Variants in UBN2 observed in about 807,000 individuals in gnomAD.
The protein encoded by UBN2 is ubinuclein 2.
A neutral mutation model predicts 120.2 loss-of-function variants in UBN2; 35 were observed. The observed-to-expected ratio is 0.29, with a 90% CI of 0.22 to 0.39. The LOEUF (loss-of-function observed/expected upper bound fraction) is 0.39. Among genes scored for constraint, UBN2 ranks in the 10% least tolerant of loss-of-function variants. The pLI is 1.00. For synonymous variants in UBN2, 661 were observed against 648.7 expected, an observed-to-expected ratio of 1.02 and a Z score of -0.29; for missense variants, 1,693 against 1,663.2, an observed-to-expected ratio of 1.02 and a Z score of -0.31.
At position 139,293,207 on chromosome 7, in the gene UBN2, A is replaced by G. The variant is rs780949127; in HGVS notation, c.3670-25A>G. ...ATTTGGGTTGCTTTATTTCTTATGT[A>G]TTTTGACCCCTGGTTTCTGCACAGT... is the stretch of plus-strand genomic sequence containing the variant. On this transcript the variant is annotated intron_variant, in intron 15 of 17. Coordinates refer to ENST00000473989, the MANE Select transcript of UBN2 (RefSeq NM_173569.4). 3 of 1,596,478 alleles carry G rather than the reference A, an allele frequency of 1.9e-6. No individual in the cohort carries two copies. In the South Asian group the frequency reaches 3.3e-5, roughly 18 times the overall value.
intron 3 of UBN2, among the ~76,000 whole-genome samples, chr7:139,255,535 A>G (rs1796738412): frequency 1.3e-5 from 2 of 152,346 alleles, no homozygotes; most frequent in South Asian, 4.1e-4. Context: ...TTTCTGAACA[A>G]GGTAGGTTCC....
chr7:139,263,863 C>T (rs1181249931), intron 6 of UBN2, among the ~76,000 whole-genome samples: 1 of 151,738 alleles, frequency 6.6e-6, no homozygotes, highest in African/African-American at 2.4e-5. Context: ...TGTGTGACTA[C>T]TGGATAACTA....
At chr7:139,316,811 T>C in the UBN2 span, among the ~76,000 whole-genome samples, 1 of 152,234 alleles carries the variant, frequency 6.6e-6, no homozygotes, top group Middle Eastern at 3.4e-3. Context: ...CTTTTTTGTC[T>C]CCAATTTTTC....
chr7:139,264,756 A>AT (rs1411655238), intron 6 of UBN2, among the ~76,000 whole-genome samples: 3 of 152,000 alleles, frequency 2.0e-5, no homozygotes, highest in African/African-American at 7.3e-5. Context: ...CACCCAGCTA[A>AT]TTTTTGTATT....
At chr7:139,295,648 G>C (rs1798089708) in intron 17 of UBN2, among the ~76,000 whole-genome samples, 1 of 152,226 alleles carries the variant, frequency 6.6e-6, no homozygotes, top group African/African-American at 2.4e-5. Context: ...AACCAGGCAT[G>C]GTAGCTCATG....
At chr7:139,240,992 G>A (rs1433749546) in intron 2 of UBN2, among the ~76,000 whole-genome samples, 1 of 152,198 alleles carries the variant, frequency 6.6e-6, no homozygotes, top group African/African-American at 2.4e-5. Flanking sequence ...ACAGGTAAAA[G>A]AGGCTCCCAT....
intron 2 of UBN2, among the ~76,000 whole-genome samples, chr7:139,240,455 T>TATATATA (rs367875599): frequency 0.016 from 1,028 of 62,996 alleles, 4 homozygotes; most frequent in African/African-American, 0.023. Context: ...TATATATATA[T>TATATATA]TTTTTTTTTT....
Position 139,306,266 on chromosome 7 carries a change from G to C in UBN2, c.*8430G>C, listed in dbSNP as rs1258324388. ...GTCAGATCTTAACTATCTTGTGTTT[G>C]CTGTGCTTGCAGCCATAAGCTTTCC... is the stretch of plus-strand genomic sequence containing the variant. On this transcript the variant is annotated 3_prime_UTR_variant, in exon 18 of 18. Transcript: ENST00000473989. The C allele has an allele frequency of 6.6e-6, 1 of 152,146 alleles. No homozygotes were observed. The highest frequency in any genetic ancestry group is 1.5e-5 in the Non-Finnish European group (1 of 68,034). 9.4% of individuals were successfully genotyped at this position (152,146 alleles called of 1,614,324 possible).
downstream of UBN2, chr7:139,308,339 G>C (rs1465817152): frequency 6.6e-6 from 1 of 152,102 alleles, no homozygotes; most frequent in Admixed American, 6.6e-5. Flanking sequence ...TAGGTTTATA[G>C]GGTACAAGAA....
chr7:139,276,441 C>A (rs1487373892), intron 12 of UBN2: 1 of 401,548 alleles, frequency 2.5e-6, no homozygotes, highest in Non-Finnish European at 4.6e-6. Context: ...GTCTTTTTCT[C>A]CACCTCTTAA....
At chr7:139,244,944 T>G (rs1172801088) in intron 2 of UBN2, among the ~76,000 whole-genome samples, 1 of 151,956 alleles carries the variant, frequency 6.6e-6, no homozygotes, top group Non-Finnish European at 1.5e-5. Context: ...TAAAATTTAT[T>G]TATTTATTTT....
intron 17 of UBN2, among the ~76,000 whole-genome samples, chr7:139,295,605 AAAT>A (rs1399329950): frequency 6.6e-6 from 1 of 152,238 alleles, no homozygotes; most frequent in Admixed American, 6.5e-5. Context: ...AGTATTTTCC[AAAT>A]AACTAAAGTT....
rs1014534123 is a variant in UBN2 at position 139,300,859 on chromosome 7, A to G, written c.*3023A>G. 1 of 152,234 alleles carries G rather than the reference A, an allele frequency of 6.6e-6. No individual in the cohort carries two copies. The highest frequency in any genetic ancestry group is 1.5e-5 in the Non-Finnish European group (1 of 68,038). 9.4% of individuals were successfully genotyped at this position (152,234 alleles called of 1,614,324 possible). A position where few individuals can be genotyped will look rare whatever the true frequency, so the allele number is the denominator to read the frequency against. On this transcript the variant is annotated 3_prime_UTR_variant, in exon 18 of 18. Transcript: ENST00000473989. ...TGAGCCTCAGTTGGAGACTGGGAGCAAAGTGTCAAGCTCATTCAGAGCATC... is the reference window on the plus strand; with the variant it reads ...TGAGCCTCAGTTGGAGACTGGGAGCGAAGTGTCAAGCTCATTCAGAGCATC...
At chr7:139,291,336 G>A (rs1763355855) in intron 15 of UBN2, among the ~76,000 whole-genome samples, 1 of 146,528 alleles carries the variant, frequency 6.8e-6, no homozygotes, top group Non-Finnish European at 1.5e-5. Context: ...ACTGCAGCCT[G>A]GGCAACAGAG....
At chr7:139,259,820 C>G (rs1365418705) in intron 5 of UBN2, among the ~76,000 whole-genome samples, 1 of 152,172 alleles carries the variant, frequency 6.6e-6, no homozygotes, top group Non-Finnish European at 1.5e-5. Context: ...ACAATCTAGG[C>G]TCACTGCAAC....
At chr7:139,232,071 G>A (rs1796036029) in intron 1 of UBN2, 119 bp downstream of exon 1, 1 of 959,254 alleles carries the variant, frequency 1.0e-6, no homozygotes, top group Admixed American at 2.9e-5. Flanking sequence ...CCGAGGGTGG[G>A]GTGCGGGGGG....
In UBN2 at chr7:139,295,337, C is replaced by G. The variant is rs140329503; in HGVS notation, c.3994+1356C>G. Among the ~76,000 whole-genome samples the G allele has an allele frequency of 2.7e-3, 415 of 152,282 alleles. 6 individuals carry two copies. Among genetic ancestry groups the G allele is most frequent in the Middle Eastern group, 3.4e-3 (1 of 294 alleles). ...CAATCCCGATCTTCCTGAACTCTGA[C>G]TAGTTTAAATATCTAAAGAGAATTT... On this transcript the variant is annotated intron_variant, in intron 17 of 17. Coordinates refer to ENST00000473989, the MANE Select transcript of UBN2 (RefSeq NM_173569.4).
intron 2 of UBN2, among the ~76,000 whole-genome samples, chr7:139,246,015 G>C (rs927059897): frequency 6.6e-6 from 1 of 152,142 alleles, no homozygotes; most frequent in African/African-American, 2.4e-5. Context: ...TTTTGAGCAG[G>C]GGAAATAATA....
In UBN2 at chr7:139,232,796, A is replaced by T. The variant is rs146019620; in HGVS notation, c.468+844A>T. Among the ~76,000 whole-genome samples, 136 of 152,374 alleles carry T rather than the reference A, an allele frequency of 8.9e-4. 1 individual carries two copies. Among genetic ancestry groups the T allele is most frequent in the Middle Eastern group, 3.4e-3 (1 of 294 alleles). ...AAAAAATGTCAGCTTTGAATTTTTT[A>T]AAATAATTGAAAATATATAGGTATG... On this transcript the variant is annotated intron_variant, in intron 1 of 17. Coordinates refer to ENST00000473989, the MANE Select transcript of UBN2 (RefSeq NM_173569.4).
Sources: gnomAD v4.1 joint callset for allele counts (sites outside exome capture counted in the v4.1 genomes callset) on GRCh38, gnomAD v4.1.1 for gene constraint, MANE v1.5 for transcripts, NCBI Gene and HGNC (gene_info 2026-07-23, HGNC 2026-07-21) for gene names.